Variants in TBC1D9 observed in about 807,000 individuals in gnomAD.
TBC1D9 encodes the protein TBC1 domain family member 9.
A neutral mutation model predicts 132.0 loss-of-function variants in TBC1D9; 63 were observed. The observed-to-expected ratio is 0.48, with a 90% confidence interval of 0.39 to 0.59. The LOEUF (loss-of-function observed/expected upper bound fraction) is 0.59. Ranked by LOEUF, TBC1D9 falls within the 20% of genes least tolerant of loss-of-function variation. The pLI is 0.00. For missense variants in TBC1D9, 1,261 were observed against 1,592.7 expected (o/e 0.79, Z 3.54); for synonymous variants, 610 against 609.9 (o/e 1.00, Z 0.00).
intron 1 of TBC1D9, among the ~76,000 whole-genome samples, chr4:140,736,409 T>C (rs1362410795): frequency 6.6e-6 from 1 of 151,942 alleles, no homozygotes; most frequent in Non-Finnish European, 1.5e-5. Flanking sequence ...GGCATGGTGG[T>C]ACGTGCCTAT....
intron 15 of TBC1D9, among the ~76,000 whole-genome samples, chr4:140,637,560 C>G (rs556715598): frequency 6.6e-5 from 10 of 152,286 alleles, no homozygotes; most frequent in Admixed American, 6.5e-4. Flanking sequence ...GGCCCTGCCC[C>G]CATGCCCTGA....
chr4:140,657,560 T>C lies in TBC1D9; in HGVS notation c.2174A>G (p.Lys725Arg). Residue 725 changes from lysine (K) to arginine (R), a missense_variant, in exon 12 of 21, where the codon AAG (lysine) becomes AGG (arginine). Lys to Arg is a conservative substitution (Grantham distance 26). This residue lies in a region of TBC1D9 where 618 missense variants were observed against 724.4 expected (regional missense o/e 0.85). Transcript: ENST00000442267. ...AACGGTCATGGCCTCCCCATCATCC[T>C]TGCAGTTCAACAGTTTGTCCACATT... is the stretch of plus-strand genomic sequence containing the variant. ...DANVDKLLNCKDDGEAMTVLG... is the reference protein window; with the variant it reads ...DANVDKLLNCRDDGEAMTVLG... The C allele has an allele frequency of 1.2e-6, 2 of 1,613,946 alleles. No homozygotes were observed. The highest frequency in any genetic ancestry group is 1.7e-5 in the Admixed American group (1 of 60,000).
rs1736612736 is a variant in TBC1D9 at position 140,621,496 on chromosome 4, G to A, written c.*699C>T. The A allele has an allele frequency of 6.6e-6, 1 of 152,128 alleles. No individual in the cohort carries two copies. 9.4% of individuals were successfully genotyped at this position (152,128 alleles called of 1,614,324 possible). On this transcript the variant is annotated 3_prime_UTR_variant, in exon 21 of 21. Coordinates refer to ENST00000442267, the MANE Select transcript of TBC1D9 (RefSeq NM_015130.3). Reference sequence around the variant, plus strand: ...TCTAATGAGTTGACGTAAATAATCAGAACAATTTCTTAAATGCAAAATTGG... The same window carrying A: ...TCTAATGAGTTGACGTAAATAATCAAAACAATTTCTTAAATGCAAAATTGG...
intron 13 of TBC1D9, chr4:140,642,758 T>C: frequency 1.5e-6 from 1 of 647,566 alleles, no homozygotes; most frequent in East Asian, 2.6e-5. Context: ...CTCATAGTCA[T>C]CTGATGTCGG....
chr4:140,750,847 T>C (rs529715605), intron 1 of TBC1D9, among the ~76,000 whole-genome samples: 6 of 152,136 alleles, frequency 3.9e-5, no homozygotes, highest in Non-Finnish European at 8.8e-5. Context: ...CAACTTACAA[T>C]GGTTCGACTT....
rs146558757 is a variant in TBC1D9 at position 140,747,187 on chromosome 4, A to G, written c.130+8729T>C. 8.4e-3 allele frequency among the ~76,000 whole-genome samples: 1,281 copies of G among 151,786 alleles called. 9 individuals are homozygous for G. Among genetic ancestry groups the G allele is most frequent in the Non-Finnish European group, 0.014 (959 of 67,884 alleles). ...ACGTGGTGAAAGCCCTCCTCTACTA[A>G]AAAAATACAAAAAAATTAGCCAGGC... On this transcript the variant is annotated intron_variant, in intron 1 of 20. Transcript: ENST00000442267.
intron 1 of TBC1D9, 29 bp from the exon 2 acceptor site, chr4:140,701,643 T>C: frequency 6.4e-7 from 1 of 1,565,154 alleles, no homozygotes; most frequent in Non-Finnish European, 8.8e-7. Flanking sequence ...GAGAAACAGG[T>C]AAGAATTGCC....
chr4:140,665,364 A>G (rs542940490), intron 9 of TBC1D9, among the ~76,000 whole-genome samples: 2 of 152,328 alleles, frequency 1.3e-5, no homozygotes, highest in South Asian at 4.1e-4. Context: ...TGTATCTCAA[A>G]TATGTTTAAA....
intron 17 of TBC1D9, 102 bp downstream of exon 17, chr4:140,628,198 T>C: frequency 1.1e-6 from 1 of 903,892 alleles, no homozygotes; most frequent in South Asian, 1.4e-5. Context: ...TCATGAATGA[T>C]GGTGTATATC....
In TBC1D9 at chr4:140,659,605, T is replaced by C; in HGVS notation, c.1904A>G (p.Tyr635Cys). ...CCACTTACCCACAACTCTGGTGTTG[T>C]AGTAATCTGGGAGCATGCGCTCACA... is the stretch of plus-strand genomic sequence containing the variant. ...ALCERMLPDY[Y>C]NTRVVGALVD... The change falls in exon 11 of 21, where the codon TAC becomes TGC. Residue 635 changes from tyrosine (Y) to cysteine (C), a missense_variant. Tyr to Cys is a radical substitution (Grantham distance 194, BLOSUM62 -2). Around this residue, in one of 3 missense-constraint regions of TBC1D9, gnomAD observed 93 missense variants for 169.2 expected, o/e 0.55. Transcript: ENST00000442267. 6.3e-7 allele frequency: 1 copy of C among 1,598,144 alleles called. No homozygotes were observed. The highest frequency in any genetic ancestry group is 8.5e-7 in the Non-Finnish European group (1 of 1,172,090).
chr4:140,726,251 T>G (rs1450720154), intron 1 of TBC1D9, among the ~76,000 whole-genome samples: 1 of 151,932 alleles, frequency 6.6e-6, no homozygotes, highest in East Asian at 1.9e-4. Context: ...ACTGCACCAC[T>G]GAACTCCACC....
At chr4:140,634,440 GAAGA>G (rs1736845850) in intron 15 of TBC1D9, among the ~76,000 whole-genome samples, 1 of 152,128 alleles carries the variant, frequency 6.6e-6, no homozygotes, top group South Asian at 2.1e-4. Flanking sequence ...GGGTGTAGGT[GAAGA>G]AAGAAAGGGA....
At chr4:140,719,806 T>C (rs543097987) in intron 1 of TBC1D9, among the ~76,000 whole-genome samples, 3 of 152,284 alleles carry the variant, frequency 2.0e-5, no homozygotes, top group South Asian at 4.1e-4. Context: ...ACACGGTACT[T>C]ACCCAAGGCT....
chr4:140,623,877 T>C (rs1736663718), intron 20 of TBC1D9, among the ~76,000 whole-genome samples: 2 of 152,184 alleles, frequency 1.3e-5, no homozygotes, highest in African/African-American at 4.8e-5. Flanking sequence ...ATAAGATGCA[T>C]TTACTCTCAA....
chr4:140,632,274 T>TA (rs1553967516), intron 16 of TBC1D9, among the ~76,000 whole-genome samples: 2 of 151,716 alleles, frequency 1.3e-5, no homozygotes, highest in African/African-American at 2.4e-5. Flanking sequence ...TTTTTTTTTT[T>TA]AAATATCTCT....
chr4:140,751,948 G>A (rs746209279), intron 1 of TBC1D9, among the ~76,000 whole-genome samples: 3 of 152,216 alleles, frequency 2.0e-5, no homozygotes, highest in Non-Finnish European at 2.9e-5. Flanking sequence ...GATATGTGAT[G>A]GAACAAGGGG....
chr4:140,671,251 G>A (rs1233240939), intron 6 of TBC1D9, among the ~76,000 whole-genome samples: 1 of 152,138 alleles, frequency 6.6e-6, no homozygotes, highest in East Asian at 1.9e-4. Context: ...GGATACTACT[G>A]GCATCTGGTA....
intron 1 of TBC1D9, 124 bp downstream of exon 1, chr4:140,755,792 G>T: frequency 7.4e-7 from 1 of 1,346,384 alleles, no homozygotes; most frequent in South Asian, 1.7e-5. Flanking sequence ...CGCATACAAC[G>T]AGGCAGGGCG....
At chr4:140,676,793 C>G in intron 6 of TBC1D9, 101 bp downstream of exon 6, 1 of 1,465,116 alleles carries the variant, frequency 6.8e-7, no homozygotes. Context: ...GAACATTCAC[C>G]TGTGTTCAAA....
Sources: gnomAD v4.1 joint callset for allele counts (sites outside exome capture counted in the v4.1 genomes callset) on GRCh38, gnomAD v4.1.1 for gene constraint, gnomAD v4.1.1 regional missense constraint, MANE v1.5 for transcripts, NCBI Gene and HGNC (gene_info 2026-07-23, HGNC 2026-07-21) for gene names.